The following PCDH15 variants were observed in gnomAD, a reference collection of about 807,000 sequenced individuals.
The protein encoded by PCDH15 is protocadherin related 15.
PCDH15 carries 129 observed loss-of-function variants against 178.5 expected under a neutral mutation model. The observed-to-expected ratio is 0.72, with a 90% confidence interval of 0.63 to 0.84. The LOEUF (loss-of-function observed/expected upper bound fraction) is 0.84. PCDH15 is among the 40% of genes least tolerant of loss of function. The probability of loss-of-function intolerance (pLI) is 0.00; values close to 1 mark genes in which losing one functional copy is unlikely to be tolerated. For missense variants in PCDH15, 2,230 were observed against 2,099.9 expected (o/e 1.06, Z -1.21); for synonymous variants, 800 against 732.0 (o/e 1.09, Z -1.50).
intron 3 of PCDH15, among the ~76,000 whole-genome samples, chr10:54,516,804 C>T (rs991543503): frequency 6.6e-6 from 1 of 152,072 alleles, no homozygotes; most frequent in Non-Finnish European, 1.5e-5. Flanking sequence ...TAAGGGCAGC[C>T]AGAGAGAAAG....
intron 1 of PCDH15, among the ~76,000 whole-genome samples, chr10:55,282,159 T>A (rs1421982350): frequency 6.6e-6 from 1 of 152,202 alleles, no homozygotes; most frequent in Non-Finnish European, 1.5e-5. Flanking sequence ...TCCTTAATAA[T>A]AATACTGTTT....
At chr10:53,847,528 T>C (rs751043661) in intron 28 of PCDH15, among the ~76,000 whole-genome samples, 1 of 152,108 alleles carries the variant, frequency 6.6e-6, no homozygotes, top group Non-Finnish European at 1.5e-5. Context: ...TTCATTACAT[T>C]ACATGGTAAC....
At chr10:55,551,638 A>G (rs1361623362) in intron 2 of PCDH15, among the ~76,000 whole-genome samples, 4 of 151,834 alleles carry the variant, frequency 2.6e-5, no homozygotes, top group Non-Finnish European at 5.9e-5. Flanking sequence ...CAATTTGTGG[A>G]TATAATAAAA....
chr10:54,690,468 C>A (rs1009705839), intron 1 of PCDH15, among the ~76,000 whole-genome samples: 8 of 151,852 alleles, frequency 5.3e-5, no homozygotes, highest in African/African-American at 1.9e-4. Flanking sequence ...GAGCACGCCA[C>A]CACTTCCAGC....
chr10:54,778,597 T>A (rs141544895), intron 1 of PCDH15, among the ~76,000 whole-genome samples: 1 of 152,170 alleles, frequency 6.6e-6, no homozygotes, highest in Admixed American at 6.6e-5. Context: ...TTGGGAATAA[T>A]GTACAGTGGT....
At chr10:54,425,778 T>G (rs1956201332) in intron 3 of PCDH15, among the ~76,000 whole-genome samples, 1 of 152,156 alleles carries the variant, frequency 6.6e-6, no homozygotes, top group Non-Finnish European at 1.5e-5. Context: ...TACAGCTCAG[T>G]AACATAGGAA....
intron 17 of PCDH15, among the ~76,000 whole-genome samples, chr10:54,077,023 T>C (rs957530101): frequency 2.3e-4 from 35 of 152,152 alleles, no homozygotes; most frequent in African/African-American, 7.5e-4. Context: ...AGAATATTAT[T>C]GTTATATAAT....
chr10:55,089,307 A>G (rs939327286), intron 2 of PCDH15, among the ~76,000 whole-genome samples: 1 of 152,170 alleles, frequency 6.6e-6, no homozygotes, highest in African/African-American at 2.4e-5. Flanking sequence ...AGAGACTTCA[A>G]CTCAACCCTT....
intron 1 of PCDH15, among the ~76,000 whole-genome samples, chr10:55,297,360 T>C (rs1378532294): frequency 6.6e-6 from 1 of 152,168 alleles, no homozygotes; most frequent in Non-Finnish European, 1.5e-5. Flanking sequence ...TTAGTGAATT[T>C]ACATTAAAAT....
At chr10:55,587,555 G>A (rs1842749297) in intron 2 of PCDH15, among the ~76,000 whole-genome samples, 1 of 151,968 alleles carries the variant, frequency 6.6e-6, no homozygotes, top group Non-Finnish European at 1.5e-5. Flanking sequence ...TAATCCTTCT[G>A]AAATAATCCT....
At chr10:53,863,339 A>T (rs1286592272) in intron 27 of PCDH15, among the ~76,000 whole-genome samples, 7 of 152,186 alleles carry the variant, frequency 4.6e-5, no homozygotes, top group Non-Finnish European at 1.0e-4. Context: ...AGGAGTAAAC[A>T]GTGAGATAGT....
Position 54,288,648 on chromosome 10 carries a change from A to T in PCDH15, c.876+28623T>A, listed in dbSNP as rs2059190467. ...GACATACTGTACCTGGAAAAATGGG[A>T]CACTCCCGCCCAAATACTGTGCTTT... On this transcript the variant is annotated intron_variant, in intron 8 of 37. Coordinates refer to ENST00000644397, the MANE Select transcript of PCDH15 (RefSeq NM_001384140.1). Among the ~76,000 whole-genome samples, 3 of 152,158 alleles carry T rather than the reference A, an allele frequency of 2.0e-5. No homozygotes were observed. The South Asian group carries it at 6.2e-4, about 31-fold the overall frequency.
chr10:55,272,291 T>C (rs1463259997), intron 1 of PCDH15, among the ~76,000 whole-genome samples: 2 of 151,780 alleles, frequency 1.3e-5, no homozygotes, highest in South Asian at 2.1e-4. Flanking sequence ...CATATTAAAT[T>C]CTTACGTTGC....
chr10:54,739,533 A>G (rs1944518630), intron 1 of PCDH15, among the ~76,000 whole-genome samples: 1 of 151,636 alleles, frequency 6.6e-6, no homozygotes, highest in African/African-American at 2.4e-5. Context: ...TATCCCTATC[A>G]ACATACCAAT....
At chr10:54,994,355 G>A (rs927974562) in intron 2 of PCDH15, among the ~76,000 whole-genome samples, 1 of 152,072 alleles carries the variant, frequency 6.6e-6, no homozygotes, top group African/African-American at 2.4e-5. Context: ...ACTTTCAGAT[G>A]TCAAAAATAG....
At chr10:54,877,934 CTCTCTTTTTTTTTTTTT>C (rs1954175995) in intron 3 of PCDH15, among the ~76,000 whole-genome samples, 1 of 28,778 alleles carries the variant, frequency 3.5e-5, no homozygotes, top group Non-Finnish European at 6.7e-5. Context: ...TTCTCTCTCT[CTCTCTTTTTTTTTTTTT>C]TTTTTTTTTT....
At chr10:54,777,013 A>G (rs1949784661) in intron 1 of PCDH15, among the ~76,000 whole-genome samples, 1 of 152,138 alleles carries the variant, frequency 6.6e-6, no homozygotes, top group Non-Finnish European at 1.5e-5. Flanking sequence ...TATAATGTGA[A>G]TCCTCTTCTC....
chr10:54,010,856 C>T (rs147612056), intron 20 of PCDH15, among the ~76,000 whole-genome samples: 63 of 152,292 alleles, frequency 4.1e-4, no homozygotes, highest in African/African-American at 1.4e-3. Flanking sequence ...CCATCTCCAG[C>T]TGAGCATTCT....
In PCDH15 at chr10:54,919,512, TA is replaced by T. The variant is rs1837429403; in HGVS notation, c.-79-22013del. ...GAACCCCAAAATATAAAGCCACACA[TA>T]TAATATCTCTCTATGCATCCCAGAG... On this transcript the variant is annotated intron_variant, in intron 2 of 5. Transcript: ENST00000458638. Among the ~76,000 whole-genome samples, 4 of 152,218 alleles carry T rather than the reference TA, an allele frequency of 2.6e-5. No individual in the cohort carries two copies. The South Asian group carries it at 8.3e-4, about 32-fold the overall frequency.
Sources: gnomAD v4.1 joint callset for allele counts (sites outside exome capture counted in the v4.1 genomes callset) on GRCh38, gnomAD v4.1.1 for gene constraint, MANE v1.5 for transcripts, NCBI Gene and HGNC (gene_info 2026-07-23, HGNC 2026-07-21) for gene names.